Variants in MUC6 observed in about 807,000 individuals in gnomAD.
MUC6 encodes mucin 6, oligomeric mucus/gel-forming (gene/pseudogene), also known as mucin-6.
MUC6 carries 188 observed loss-of-function variants against 201.5 expected under a neutral mutation model. That is an observed-to-expected ratio of 0.93 (90% confidence interval 0.83 to 1.05). The LOEUF is 1.05. MUC6 is among the 50% of genes least tolerant of loss of function. The pLI is 0.00. For synonymous variants in MUC6, 1,228 were observed against 1,389.4 expected (o/e 0.88, Z 2.58); for missense variants, 2,706 against 3,256.9 (o/e 0.83, Z 4.12).
At chr11:1,014,713 C>T (rs1046988190) in intron 31 of MUC6, among the ~76,000 whole-genome samples, 8 of 152,206 alleles carry the variant, frequency 5.3e-5, no homozygotes, top group African/African-American at 1.9e-4. Context: ...GTGCCCTCCC[C>T]TGGCTGCTCC....
chr11:1,028,044 G>T lies in MUC6; in HGVS notation c.1769C>A (p.Thr590Asn). 1 of 1,578,084 alleles carries T rather than the reference G, an allele frequency of 6.3e-7. No homozygotes were observed. The highest frequency in any genetic ancestry group is 8.6e-7 in the Non-Finnish European group (1 of 1,162,324). The change falls in exon 15 of 33, where the codon ACC becomes AAC. Residue 590 changes from threonine to asparagine, a missense_variant. Thr to Asn is a moderately conservative substitution (Grantham distance 65). Transcript: ENST00000421673. ...MSQLNKVCAE[T>N]HCSMLLRTGT... Reference sequence around the variant, plus strand: ...TGTCCTCAGCAGCATGGAGCAGTGGGTCTCTGCACACACCTCTGGGGATGA... The same window carrying T: ...TGTCCTCAGCAGCATGGAGCAGTGGTTCTCTGCACACACCTCTGGGGATGA...
At chr11:1,020,842 T>C in intron 27 of MUC6, 108 bp from the exon 28 acceptor site, 1 of 1,324,862 alleles carries the variant, frequency 7.5e-7, no homozygotes, top group South Asian at 1.3e-5. Flanking sequence ...AAGGCTGTGG[T>C]GGAGGGGACT....
In MUC6 at chr11:1,027,188, C is replaced by T. The variant is rs1167108735; in HGVS notation, c.2237G>A (p.Cys746Tyr). The change falls in exon 18 of 33, where the codon TGC becomes TAC. Residue 746 changes from cysteine to tyrosine, a missense_variant. Cys to Tyr is a radical substitution (Grantham distance 194). This residue lies in a region of MUC6 where 1,850 missense variants were observed against 1,958.3 expected (regional missense o/e 0.94). Transcript: ENST00000421673. ...CGGGCAACTCAGCCGCCCGTTGATG[C>T]AGTGGCTGCAAGAGAGAGGCTGCGT... is the stretch of plus-strand genomic sequence containing the variant. ...STVINGITCH[C>Y]INGRLSCPQR... 2.5e-6 allele frequency: 4 copies of T among 1,612,288 alleles called. No homozygotes were observed. In the Admixed American group the frequency reaches 6.7e-5, roughly 27 times the overall value.
Position 1,031,971 on chromosome 11 carries a change from C to A in MUC6, c.198G>T (p.Thr66=), listed in dbSNP as rs200612197. 5 of 1,613,520 alleles carry A rather than the reference C, an allele frequency of 3.1e-6. No individual in the cohort carries two copies. Among genetic ancestry groups the A allele is most frequent in the Non-Finnish European group, 4.2e-6 (5 of 1,179,894 alleles). ...FDHHVYDFSG[T]CNYIFAATCK... ...AGGTGGCCGCGAAGATGTAGTTGCA[C>A]GTCCCCGAGAAGTCGTACACGTGGT... The change falls in exon 3 of 33, where the codon ACG becomes ACT. Residue 66 remains threonine (T), a synonymous_variant. Transcript: ENST00000421673.
chr11:1,016,227 C>A lies in MUC6; in HGVS notation c.6574G>T (p.Val2192Leu). The A allele has an allele frequency of 1.9e-6, 3 of 1,613,202 alleles. No individual in the cohort carries two copies. Among genetic ancestry groups the A allele is most frequent in the Non-Finnish European group, 1.7e-6 (2 of 1,179,714 alleles). ...GAAGGAAAAAGAGGAGATGCAGACA[C>A]TGATGCAGTCGTGGGATGAGTGGAC... is the stretch of plus-strand genomic sequence containing the variant. Reference protein sequence around the residue: ...SLSTHPTTASVSASPLFPSSP... With the variant: ...SLSTHPTTASLSASPLFPSSP... The change falls in exon 31 of 33, where the codon GTG becomes TTG. Residue 2192 changes from valine (V) to leucine (L), a missense_variant. By Grantham distance (32) the Val-to-Leu change is conservative (BLOSUM62 1). Coordinates refer to ENST00000421673, the MANE Select transcript of MUC6 (RefSeq NM_005961.3).
At position 1,024,882 on chromosome 11, in the gene MUC6, CGCT is replaced by C; in HGVS notation, c.3184_3186del (p.Ser1062del). 6.2e-7 allele frequency: 1 copy of C among 1,612,532 alleles called. No homozygotes were observed. On this transcript the variant is annotated inframe_deletion, in exon 24 of 33. Transcript: ENST00000421673. ...GTGGCAAAGGTCTGGCTGTTGATGA[CGCT>C]GCACTTGCGCTCGGCCCAGGAGCGC... is the stretch of plus-strand genomic sequence containing the variant.
rs1857005588 is a variant in MUC6, at chr11:1,027,962, C to T, written c.1848+3G>A. On this transcript the variant is annotated splice_donor_region_variant and intron_variant, in intron 15 of 32. Coordinates refer to ENST00000421673, the MANE Select transcript of MUC6 (RefSeq NM_005961.3). Reference sequence around the variant, plus strand: ...CCCTCCCAAGACGCCCTCGGGCCCTCACCTTGTAGAAGGGTGCAGGGTTCA... The same window carrying T: ...CCCTCCCAAGACGCCCTCGGGCCCTTACCTTGTAGAAGGGTGCAGGGTTCA... 1.3e-6 allele frequency: 2 copies of T among 1,570,928 alleles called. No homozygotes were observed. The highest frequency in any genetic ancestry group is 1.7e-6 in the Non-Finnish European group (2 of 1,158,386).
chr11:1,029,628 G>T lies in MUC6; in HGVS notation c.1016-13C>A. 6.4e-7 allele frequency: 1 copy of T among 1,561,306 alleles called. No individual in the cohort carries two copies. The highest frequency in any genetic ancestry group is 8.7e-7 in the Non-Finnish European group (1 of 1,149,930). ...TTCAGGACCGTACCTGCAGGAGAGG[G>T]TCTTCTTGGGGCTTGGGTGGGACTG... On this transcript the variant is annotated splice_polypyrimidine_tract_variant and intron_variant, in intron 8 of 32. Coordinates refer to ENST00000421673, the MANE Select transcript of MUC6 (RefSeq NM_005961.3).
chr11:1,028,733 T>C lies in MUC6; in HGVS notation c.1504A>G (p.Ser502Gly). Residue 502 changes from serine to glycine, a missense_variant, in exon 13 of 33, where the codon AGC becomes GGC. Around this residue, in one of 10 missense-constraint regions of MUC6, gnomAD observed 1,850 missense variants for 1,958.3 expected, o/e 0.94. Coordinates refer to ENST00000421673, the MANE Select transcript of MUC6 (RefSeq NM_005961.3). Reference sequence around the variant, plus strand: ...TGGACCACGAGCTCCAGCCCGAAGCTGGTGGCCATCTGGAGGTGGGTGGAC... The same window carrying C: ...TGGACCACGAGCTCCAGCCCGAAGCCGGTGGCCATCTGGAGGTGGGTGGAC... ...QTSTHLQMATSFGLELVVQLR... is the reference protein window; with the variant it reads ...QTSTHLQMATGFGLELVVQLR... 6.2e-7 allele frequency: 1 copy of C among 1,612,580 alleles called. No individual in the cohort carries two copies. The highest frequency in any genetic ancestry group is 1.1e-5 in the South Asian group (1 of 91,044).
rs529898670 is a variant in MUC6 at position 1,023,450 on chromosome 11, G to A, written c.3526+59C>T. On this transcript the variant is annotated intron_variant, in intron 26 of 32. Coordinates refer to ENST00000421673, the MANE Select transcript of MUC6 (RefSeq NM_005961.3). The stretch of plus-strand genomic sequence containing the variant: ...TGAATGCGTGTGAATGAATGAATGT[G>A]CATGAATGAGTGAATGGGTCCCCCT... The A allele has an allele frequency of 2.7e-4, 419 of 1,525,972 alleles. 6 individuals carry two copies. In the South Asian group the frequency reaches 4.8e-3, roughly 17 times the overall value. 94.5% of individuals were successfully genotyped at this position (1,525,972 alleles called of 1,614,324 possible).
At chr11:1,031,579 A>G (rs772559898) in intron 4 of MUC6, 28 bp downstream of exon 4, 2 of 1,542,574 alleles carry the variant, frequency 1.3e-6, no homozygotes, top group Non-Finnish European at 1.7e-6. Context: ...GCGGGTCTCC[A>G]GGCCCACCCT....
Position 1,028,310 on chromosome 11 carries a change from G to GA in MUC6, c.1668_1669insT (p.Leu557SerfsTer18). 1.2e-6 allele frequency: 2 copies of GA among 1,611,764 alleles called. No individual in the cohort carries two copies. The highest frequency in any genetic ancestry group is 1.7e-6 in the Non-Finnish European group (2 of 1,179,572). On this transcript the variant is annotated frameshift_variant, in exon 14 of 33. Coordinates refer to ENST00000421673, the MANE Select transcript of MUC6 (RefSeq NM_005961.3). LOFTEE classifies it high-confidence loss of function. ...CCCGCCCGCCAGGAGTCCACAAACA[G>GA]CGAGGCGGTGCCCTCGGCGATACCC...
rs1422295707 is a variant in MUC6 at position 1,023,915 on chromosome 11, TGGAGCAACCTGTG to T, written c.3382+19_3382+31del. The T allele has an allele frequency of 6.2e-6, 10 of 1,605,678 alleles. No individual in the cohort carries two copies. The highest frequency in any genetic ancestry group is 8.5e-6 in the Non-Finnish European group (10 of 1,176,126). On this transcript the variant is annotated intron_variant, in intron 25 of 32. Coordinates refer to ENST00000421673, the MANE Select transcript of MUC6 (RefSeq NM_005961.3). ...CTTAGTGGCGCTGGGTGGCAGGGGC[TGGAGCAACCTGTG>T]GGAGGGGTGGTCACTCACGGCAGAA...
rs575890149 is a variant in MUC6, at chr11:1,017,612, G to C, written c.5189C>G (p.Thr1730Ser). The C allele has an allele frequency of 1.7e-5, 23 of 1,385,054 alleles. No homozygotes were observed. The highest frequency in any genetic ancestry group is 3.0e-5 in the East Asian group (1 of 32,914). 85.8% of individuals were successfully genotyped at this position (1,385,054 alleles called of 1,614,324 possible). The change falls in exon 31 of 33, where the codon ACC becomes AGC. Residue 1730 changes from threonine (T) to serine (S), a missense_variant. Physicochemically the swap from Thr to Ser is moderately conservative, Grantham distance 58. Transcript: ENST00000421673. ...STGTPPMTVTTSGTSQSRSSF... is the reference protein window; with the variant it reads ...STGTPPMTVTSSGTSQSRSSF... ...GCTTCGGGATTGGCTGGTCCCACTG[G>C]TGGTCACTGTCATTGGTGGGGTTCC...
rs1420261140 is a variant in MUC6 at position 1,014,877 on chromosome 11, G to A, written c.7040-876C>T. On this transcript the variant is annotated intron_variant, in intron 31 of 32. Coordinates refer to ENST00000421673, the MANE Select transcript of MUC6 (RefSeq NM_005961.3). ...CCTCCCAGCTGGTTCCTGCTCCCTC[G>A]CCTCTGCTTCTTGGGGTCACCTCCC... 2.0e-5 allele frequency among the ~76,000 whole-genome samples: 3 copies of A among 152,130 alleles called. 1 individual carries two copies. The East Asian group carries it at 5.8e-4, about 29-fold the overall frequency.
chr11:1,036,116 C>A (rs866759516), intron 1 of MUC6, among the ~76,000 whole-genome samples: 20 of 152,208 alleles, frequency 1.3e-4, no homozygotes, highest in Non-Finnish European at 2.4e-4. Flanking sequence ...CTCTTCCCCC[C>A]ACGGCGGCCA....
At chr11:1,023,749 G>C (rs2133825560) in intron 25 of MUC6, 97 bp from the exon 26 acceptor site, 1 of 1,530,352 alleles carries the variant, frequency 6.5e-7, no homozygotes. Flanking sequence ...CTGAGTGTGG[G>C]CGGGGAAGGT....
intron 26 of MUC6, among the ~76,000 whole-genome samples, chr11:1,022,304 AC>A (rs1258937020): frequency 1.1e-5 from 1 of 90,026 alleles, no homozygotes; most frequent in Non-Finnish European, 2.2e-5. Flanking sequence ...CGCGCCCCTC[AC>A]TCACTCCATC....
At position 1,019,344 on chromosome 11, in the gene MUC6, C is replaced by T. The variant is rs1856756410; in HGVS notation, c.3961G>A (p.Ala1321Thr). Residue 1321 changes from alanine to threonine, a missense_variant, in exon 30 of 33, where the codon GCT becomes ACT. Transcript: ENST00000421673. ...STASPATTST[A>T]QSTTRTTMTL... ...ATTGTGGTCCGTGTTGTGGACTGAGCTGTGGACGTCGTGGCTGGGCTGGCG... is the reference window on the plus strand; with the variant it reads ...ATTGTGGTCCGTGTTGTGGACTGAGTTGTGGACGTCGTGGCTGGGCTGGCG... The T allele has an allele frequency of 6.2e-7, 1 of 1,613,842 alleles. No homozygotes were observed. The highest frequency in any genetic ancestry group is 1.3e-5 in the African/African-American group (1 of 75,030).
Sources: gnomAD v4.1 joint callset for allele counts (sites outside exome capture counted in the v4.1 genomes callset) on GRCh38, gnomAD v4.1.1 for gene constraint, gnomAD v4.1.1 regional missense constraint, MANE v1.5 for transcripts, NCBI Gene and HGNC (gene_info 2026-07-23, HGNC 2026-07-21) for gene names.